Variants in ASXL3 observed in about 807,000 individuals in gnomAD.
ASXL3 encodes ASXL transcriptional regulator 3, also known as putative Polycomb group protein ASXL3.
ASXL3 carries 34 observed loss-of-function variants against 170.6 expected under a neutral mutation model. That is an observed-to-expected ratio of 0.20 (90% CI 0.15 to 0.27). ASXL3 has a LOEUF of 0.27. Among genes scored for constraint, ASXL3 ranks in the 10% least tolerant of loss-of-function variants. ASXL3 has a pLI of 1.00. For missense variants in ASXL3, 2,592 were observed against 2,695.3 expected, an observed-to-expected ratio of 0.96 and a Z score of 0.85; for synonymous variants, 1,002 against 989.1, an observed-to-expected ratio of 1.01 and a Z score of -0.24.
At chr18:33,661,808 A>G (rs1165324710) in intron 5 of ASXL3, 71 bp downstream of exon 5, 6 of 1,486,548 alleles carry the variant, frequency 4.0e-6, no homozygotes, top group Non-Finnish European at 5.4e-6. Context: ...TTTGCTGATC[A>G]AGTAAACAAT....
At chr18:33,693,241 A>G (rs1371117347) in intron 8 of ASXL3, among the ~76,000 whole-genome samples, 1 of 152,142 alleles carries the variant, frequency 6.6e-6, no homozygotes, top group Non-Finnish European at 1.5e-5. Context: ...GAGAATAGCA[A>G]AAGATTGGTA....
In ASXL3 at chr18:33,731,164, G is replaced by A. The variant is rs141376703; in HGVS notation, c.880-804G>A. 2.9e-4 allele frequency among the ~76,000 whole-genome samples: 44 copies of A among 152,132 alleles called. No homozygotes were observed. In the East Asian group the frequency reaches 7.6e-3, roughly 26 times the overall value. On this transcript the variant is annotated intron_variant, in intron 8 of 11. Transcript: ENST00000269197. The stretch of plus-strand genomic sequence containing the variant: ...TGAGTTAAATTTTAGAAGAGTGATA[G>A]TATTTCAATAGGTGAAAATGGAGTG...
At chr18:33,689,048 C>T (rs1191877880) in intron 8 of ASXL3, among the ~76,000 whole-genome samples, 1 of 151,732 alleles carries the variant, frequency 6.6e-6, no homozygotes, top group Non-Finnish European at 1.5e-5. Context: ...GGCTGGAGTG[C>T]AGTGGCGTGA....
chr18:33,578,400 C>A lies in ASXL3; in HGVS notation c.-232C>A, dbSNP rs1326854717. On this transcript the variant is annotated 5_prime_UTR_variant, in exon 1 of 12. Transcript: ENST00000269197. Reference sequence around the variant, plus strand: ...CCGGCCCGCCCGCCGCGCGCCGCCGCCGCCGCCGTCGCGCGCCCCCACCCA... The same window carrying A: ...CCGGCCCGCCCGCCGCGCGCCGCCGACGCCGCCGTCGCGCGCCCCCACCCA... 1.5e-4 allele frequency: 16 copies of A among 109,714 alleles called. No individual in the cohort carries two copies. In the East Asian group the frequency reaches 2.9e-3, roughly 20 times the overall value. 6.8% of individuals were successfully genotyped at this position (109,714 alleles called of 1,614,324 possible).
chr18:33,643,126 T>C (rs1240115976), intron 2 of ASXL3, among the ~76,000 whole-genome samples: 1 of 151,950 alleles, frequency 6.6e-6, no homozygotes, highest in Non-Finnish European at 1.5e-5. Context: ...CTGACAGTTC[T>C]ACTAAATTAA....
intron 2 of ASXL3, among the ~76,000 whole-genome samples, chr18:33,643,977 A>T (rs554621965): frequency 6.6e-6 from 1 of 152,014 alleles, no homozygotes; most frequent in Admixed American, 6.6e-5. Flanking sequence ...TAATTTTAAA[A>T]GGCAATAATT....
At chr18:33,718,619 A>G (rs1427116157) in intron 8 of ASXL3, among the ~76,000 whole-genome samples, 1 of 152,002 alleles carries the variant, frequency 6.6e-6, no homozygotes, top group African/African-American at 2.4e-5. Context: ...TTGCTGGCAG[A>G]ATTCATTTTC....
At chr18:33,692,006 T>G (rs1215867828) in intron 8 of ASXL3, among the ~76,000 whole-genome samples, 1 of 152,216 alleles carries the variant, frequency 6.6e-6, no homozygotes, top group African/African-American at 2.4e-5. Context: ...ACCCAACTTT[T>G]TCCAAGTAAA....
chr18:33,669,441 C>T (rs557492112), intron 5 of ASXL3, among the ~76,000 whole-genome samples: 8 of 152,222 alleles, frequency 5.3e-5, no homozygotes, highest in African/African-American at 1.9e-4. Context: ...TAATGGATTT[C>T]CCAAGCCTTT....
In ASXL3 at chr18:33,601,942, C is replaced by T. The variant is rs550690870; in HGVS notation, c.55-5652C>T. ...AGTAGCTGGGACTATAGGCACACAC[C>T]ACTATGCCTTGCTTATTGTTATTTA... On this transcript the variant is annotated intron_variant, in intron 1 of 11. Coordinates refer to ENST00000269197, the MANE Select transcript of ASXL3 (RefSeq NM_030632.3). 1.3e-3 allele frequency among the ~76,000 whole-genome samples: 195 copies of T among 151,516 alleles called. No individual in the cohort carries two copies. The Middle Eastern group carries it at 0.014, about 11-fold the overall frequency.
intron 1 of ASXL3, among the ~76,000 whole-genome samples, chr18:33,607,171 C>T (rs1465847157): frequency 1.3e-5 from 2 of 151,964 alleles, no homozygotes; most frequent in African/African-American, 4.8e-5. Context: ...CTGTTTGTGA[C>T]CAGCACTCCG....
intron 8 of ASXL3, among the ~76,000 whole-genome samples, chr18:33,697,512 T>C (rs1051326291): frequency 6.6e-6 from 1 of 152,142 alleles, no homozygotes. Context: ...TGGAATCTTA[T>C]GATATCTTAG....
chr18:33,626,056 A>G (rs2065596965), intron 2 of ASXL3: 1 of 152,100 alleles, frequency 6.6e-6, no homozygotes, highest in East Asian at 1.9e-4. Context: ...TGAAAGGGGC[A>G]AGCGGAAAGG....
chr18:33,601,267 A>G (rs1219265144), intron 1 of ASXL3, among the ~76,000 whole-genome samples: 1 of 151,136 alleles, frequency 6.6e-6, no homozygotes, highest in Non-Finnish European at 1.5e-5. Context: ...CAAAGGGGCC[A>G]GCTTTTTTTT....
chr18:33,698,377 G>A (rs1266927918), intron 8 of ASXL3, among the ~76,000 whole-genome samples: 1 of 152,094 alleles, frequency 6.6e-6, no homozygotes, highest in African/African-American at 2.4e-5. Flanking sequence ...CCAGTCTTGA[G>A]TGTTTTGTTT....
Position 33,744,379 on chromosome 18 carries a change from G to A in ASXL3, c.4531G>A (p.Val1511Ile), listed in dbSNP as rs200748841. 145 of 1,613,654 alleles carry A rather than the reference G, an allele frequency of 9.0e-5. 1 individual carries two copies. In the South Asian group the frequency reaches 9.6e-4, roughly 11 times the overall value. ...QGRPVRTEASVQPVACPQVSV... is the reference protein window; with the variant it reads ...QGRPVRTEASIQPVACPQVSV... ...CAGACCAGTGAGGACAGAGGCATCCGTACAGCCCGTGGCGTGTCCTCAGGT... is the reference window on the plus strand; with the variant it reads ...CAGACCAGTGAGGACAGAGGCATCCATACAGCCCGTGGCGTGTCCTCAGGT... Residue 1511 changes from valine (V) to isoleucine (I), a missense_variant, in exon 12 of 12, where the codon GTA becomes ATA. Transcript: ENST00000269197.
intron 1 of ASXL3, among the ~76,000 whole-genome samples, chr18:33,587,728 C>T (rs1006568335): frequency 1.3e-5 from 2 of 151,464 alleles, no homozygotes; most frequent in Non-Finnish European, 2.9e-5. Flanking sequence ...AATTAAAAGC[C>T]ACCCTTTTGA....
intron 8 of ASXL3, among the ~76,000 whole-genome samples, chr18:33,697,425 G>A (rs1396350337): frequency 6.6e-6 from 1 of 152,060 alleles, no homozygotes; most frequent in Admixed American, 6.6e-5. Context: ...CAAATTTGAA[G>A]AACAGAAAAG....
intron 2 of ASXL3, among the ~76,000 whole-genome samples, chr18:33,608,127 C>T (rs913579701): frequency 1.7e-4 from 26 of 151,902 alleles, no homozygotes; most frequent in African/African-American, 5.3e-4. Flanking sequence ...TGGTGCATCC[C>T]GTAATAGCTG....
Sources: gnomAD v4.1 joint callset for allele counts (sites outside exome capture counted in the v4.1 genomes callset) on GRCh38, gnomAD v4.1.1 for gene constraint, MANE v1.5 for transcripts, NCBI Gene and HGNC (gene_info 2026-07-23, HGNC 2026-07-21) for gene names.